Variants in EIF3D observed in about 807,000 individuals in gnomAD.
EIF3D encodes eukaryotic translation initiation factor 3 subunit D.
Under a neutral mutation model 75.4 loss-of-function variants are expected in EIF3D, and 10 were observed. That is an observed-to-expected ratio of 0.13 (90% CI 0.08 to 0.22). The LOEUF is 0.22. EIF3D is among the 10% of genes least tolerant of loss of function. EIF3D has a pLI of 1.00. For synonymous variants in EIF3D, 246 were observed against 248.3 expected (o/e 0.99, Z 0.09); for missense variants, 394 against 708.0 (o/e 0.56, Z 5.03).
chr22:36,525,783 G>A (rs1934588809), intron 2 of EIF3D, 74 bp from the exon 3 acceptor site: 1 of 1,572,840 alleles, frequency 6.4e-7, no homozygotes, highest in Non-Finnish European at 8.7e-7. Flanking sequence ...AAATCCCTGA[G>A]CGCGAGAGGA....
At chr22:36,525,787 G>A (rs370002310) in intron 2 of EIF3D, 78 bp from the exon 3 acceptor site, 249 of 1,563,012 alleles carry the variant, frequency 1.6e-4, no homozygotes, top group African/African-American at 2.2e-4. Context: ...CCCTGAGCGC[G>A]AGAGGACAGC....
intron 13 of EIF3D, 148 bp downstream of exon 13, chr22:36,512,312 C>T (rs1934352879): frequency 9.2e-7 from 1 of 1,085,976 alleles, no homozygotes; most frequent in Non-Finnish European, 1.3e-6. Context: ...TGGCATTTGT[C>T]TCCTAACTGA....
chr22:36,528,920 G>A (rs971298733), intron 1 of EIF3D, 156 bp downstream of exon 1: 3 of 194,184 alleles, frequency 1.5e-5, no homozygotes, highest in Non-Finnish European at 3.1e-5. Context: ...TGCGGGACGC[G>A]GGGCCCCCGA....
At position 36,518,054 on chromosome 22, in the gene EIF3D, T is replaced by C. The variant is rs111462432; in HGVS notation, c.860-623A>G. Among the ~76,000 whole-genome samples the C allele has an allele frequency of 9.5e-3, 1,454 of 152,266 alleles. 22 individuals carry two copies. Among genetic ancestry groups the C allele is most frequent in the African/African-American group, 0.033 (1,372 of 41,550 alleles). The stretch of plus-strand genomic sequence containing the variant: ...GTGAGCCACCGTGTCCAGCCTGTTT[T>C]GTTAATTTTTGAGTGACATGGTTTT... On this transcript the variant is annotated intron_variant, in intron 9 of 14. Transcript: ENST00000216190.
At chr22:36,521,844 TGA>T (rs1477339067) in intron 6 of EIF3D, among the ~76,000 whole-genome samples, 2 of 144,768 alleles carry the variant, frequency 1.4e-5, no homozygotes. Flanking sequence ...GGCTGAGGTG[TGA>T]GAATCACTTT....
chr22:36,520,711 G>GA, intron 6 of EIF3D, 23 bp from the exon 7 acceptor site: 22 of 1,536,130 alleles, frequency 1.4e-5, no homozygotes, highest in African/African-American at 2.8e-5. Flanking sequence ...ACCATTAGAG[G>GA]AAAAAAAAGT....
chr22:36,516,591 G>A lies in EIF3D; in HGVS notation c.1093C>T (p.Leu365Phe), dbSNP rs151303049. ...SVAYRYRRWK[L>F]GDDIDLIVRC... ...ACAATAAGGTCAATATCATCTCCAA[G>A]CTTCCACCTGCGGTAACTGCAGCAA... The change falls in exon 12 of 15, where the codon CTT (leucine) becomes TTT (phenylalanine). Residue 365 changes from leucine (L) to phenylalanine (F), a missense_variant. Physicochemically the swap from Leu to Phe is conservative, Grantham distance 22 (BLOSUM62 0). Coordinates refer to ENST00000216190, the MANE Select transcript of EIF3D (RefSeq NM_003753.4). The A allele has an allele frequency of 3.1e-6, 5 of 1,614,012 alleles. No individual in the cohort carries two copies. Among genetic ancestry groups the A allele is most frequent in the Admixed American group, 3.3e-5 (2 of 59,998 alleles).
intron 12 of EIF3D, among the ~76,000 whole-genome samples, chr22:36,513,096 GCTGAGT>G (rs1190677651): frequency 1.3e-5 from 2 of 152,106 alleles, no homozygotes; most frequent in African/African-American, 4.8e-5. Context: ...TGGGTGCAAA[GCTGAGT>G]CTGACATTTT....
At position 36,517,836 on chromosome 22, in the gene EIF3D, C is replaced by T. The variant is rs560702751; in HGVS notation, c.860-405G>A. ...GTCCACGGCTCACTGCAACCTCTGC[C>T]TCCTGGGTTCAAGCGATTCTCCTGC... On this transcript the variant is annotated intron_variant, in intron 9 of 14. Coordinates refer to ENST00000216190, the MANE Select transcript of EIF3D (RefSeq NM_003753.4). Among the ~76,000 whole-genome samples, 45 of 152,184 alleles carry T rather than the reference C, an allele frequency of 3.0e-4. 1 individual carries two copies. Among genetic ancestry groups the T allele is most frequent in the African/African-American group, 1.1e-3 (44 of 41,522 alleles).
intron 7 of EIF3D, 48 bp downstream of exon 7, chr22:36,520,519 ACCAGCTGGT>A: frequency 8.2e-7 from 1 of 1,223,376 alleles, no homozygotes; most frequent in Admixed American, 2.0e-5. Context: ...AATACCCATC[ACCAGCTGGT>A]CCACACACAT....
chr22:36,518,350 G>A (rs1380595098), intron 9 of EIF3D, among the ~76,000 whole-genome samples: 2 of 151,648 alleles, frequency 1.3e-5, no homozygotes, highest in African/African-American at 4.8e-5. Flanking sequence ...GTAGCCAGGC[G>A]TAATGGCACA....
At position 36,527,554 on chromosome 22, in the gene EIF3D, T is replaced by C. The variant is rs1258590888; in HGVS notation, c.-10-1423A>G. On this transcript the variant is annotated intron_variant, in intron 1 of 14. Coordinates refer to ENST00000216190, the MANE Select transcript of EIF3D (RefSeq NM_003753.4). The stretch of plus-strand genomic sequence containing the variant: ...GGAAAATTCACTACACAAGTATTTC[T>C]TGGAGGCCGGGCGCGGTGGCTCACG... Among the ~76,000 whole-genome samples, 4 of 152,206 alleles carry C rather than the reference T, an allele frequency of 2.6e-5. No homozygotes were observed. The South Asian group carries it at 8.3e-4, about 31-fold the overall frequency.
intron 1 of EIF3D, among the ~76,000 whole-genome samples, chr22:36,527,971 T>C (rs969515331): frequency 6.6e-6 from 1 of 152,218 alleles, no homozygotes; most frequent in African/African-American, 2.4e-5. Context: ...AGAAGTTTCA[T>C]CTTTCTAATA....
Position 36,519,431 on chromosome 22 carries a change from T to C in EIF3D, c.685A>G (p.Thr229Ala). 6.2e-7 allele frequency: 1 copy of C among 1,614,114 alleles called. No individual in the cohort carries two copies. Among genetic ancestry groups the C allele is most frequent in the Non-Finnish European group, 8.5e-7 (1 of 1,180,010 alleles). ...TTGCGGATGACAGGGTCGTCTGTGG[T>C]GGTGACAGTGTGGAAGATGCGCTTG... ...SIKRIFHTVT[T>A]TDDPVIRKLA... is the part of the protein sequence containing the mutation. Residue 229 changes from threonine to alanine, a missense_variant, in exon 8 of 15, where the codon ACC becomes GCC. Physicochemically the swap from Thr to Ala is moderately conservative, Grantham distance 58 (BLOSUM62 0). Coordinates refer to ENST00000216190, the MANE Select transcript of EIF3D (RefSeq NM_003753.4).
At chr22:36,518,202 A>C (rs544701097) in intron 9 of EIF3D, among the ~76,000 whole-genome samples, 11 of 152,268 alleles carry the variant, frequency 7.2e-5, no homozygotes, top group African/African-American at 2.6e-4. Flanking sequence ...TAAATGAATA[A>C]CATTTGGGCC....
chr22:36,517,985 G>C (rs1934453639), intron 9 of EIF3D, among the ~76,000 whole-genome samples: 1 of 152,074 alleles, frequency 6.6e-6, no homozygotes. Context: ...CTGATGTCAA[G>C]TGATTCTCCG....
Position 36,511,778 on chromosome 22 carries a change from G to C in EIF3D, c.1358C>G (p.Ser453Cys), listed in dbSNP as rs1934341319. 1 of 1,612,470 alleles carries C rather than the reference G, an allele frequency of 6.2e-7. No homozygotes were observed. The highest frequency in any genetic ancestry group is 8.5e-7 in the Non-Finnish European group (1 of 1,178,814). ...GSEYLKLGYV[S>C]RYHVKDSSRH... Reference sequence around the variant, plus strand: ...TGAGGAGTCTTTCACGTGGTACCGAGACACATAACTAACAGGGGAAGGGAT... The same window carrying C: ...TGAGGAGTCTTTCACGTGGTACCGACACACATAACTAACAGGGGAAGGGAT... The change falls in exon 14 of 15, where the codon TCT (serine) becomes TGT (cysteine). Residue 453 changes from serine (S) to cysteine (C), a missense_variant. Physicochemically the swap from Ser to Cys is moderately radical, Grantham distance 112. Coordinates refer to ENST00000216190, the MANE Select transcript of EIF3D (RefSeq NM_003753.4).
chr22:36,515,645 T>A (rs948438639), intron 12 of EIF3D, among the ~76,000 whole-genome samples: 2 of 152,186 alleles, frequency 1.3e-5, no homozygotes, highest in Non-Finnish European at 2.9e-5. Context: ...AATACAGAAG[T>A]ATGTATGGCG....
chr22:36,520,159 G>A (rs972468705), intron 7 of EIF3D, among the ~76,000 whole-genome samples: 2 of 144,530 alleles, frequency 1.4e-5, no homozygotes, highest in African/African-American at 5.2e-5. Flanking sequence ...CCTTGGTCTT[G>A]ATTTTTTTTT....
Sources: allele counts gnomAD v4.1 joint callset (sites outside exome capture counted in the v4.1 genomes callset), GRCh38; gene constraint gnomAD v4.1.1; transcripts MANE v1.5; gene names NCBI Gene and HGNC (gene_info 2026-07-23, HGNC 2026-07-21).